Variants in ANKRD42 observed in about 807,000 individuals in gnomAD.
ANKRD42 encodes the protein ankyrin repeat domain-containing protein 42.
Under a neutral mutation model 51.5 loss-of-function variants are expected in ANKRD42, and 43 were observed. The observed-to-expected ratio is 0.83, with a 90% CI of 0.65 to 1.08. The LOEUF (loss-of-function observed/expected upper bound fraction) is 1.08. Ranked by LOEUF, ANKRD42 falls within the 50% of genes least tolerant of loss-of-function variation. ANKRD42 has a pLI of 0.00. For synonymous variants in ANKRD42, 203 were observed against 213.0 expected, an observed-to-expected ratio of 0.95 and a Z score of 0.41; for missense variants, 608 against 629.3, an observed-to-expected ratio of 0.97 and a Z score of 0.36.
chr11:83,242,761 C>T (rs761656927), intron 9 of ANKRD42, among the ~76,000 whole-genome samples: 1 of 151,810 alleles, frequency 6.6e-6, no homozygotes, highest in African/African-American at 2.4e-5. Flanking sequence ...AGATGGGTTT[C>T]ACCATGTTGA....
chr11:83,198,873 T>G (rs563120999), intron 2 of ANKRD42, among the ~76,000 whole-genome samples: 7 of 152,296 alleles, frequency 4.6e-5, no homozygotes, highest in African/African-American at 1.7e-4. Context: ...ACCCAAGAAT[T>G]TGGATCCCGG....
intron 8 of ANKRD42, 117 bp from the exon 9 acceptor site, chr11:83,240,642 C>A: frequency 1.8e-6 from 2 of 1,138,122 alleles, no homozygotes; most frequent in Non-Finnish European, 2.5e-6. Context: ...GGCTCCTTGG[C>A]TGGTGAGTGG....
chr11:83,261,842 G>A, downstream of ANKRD42: 2 of 1,164,992 alleles, frequency 1.7e-6, no homozygotes, highest in South Asian at 1.4e-5. Context: ...AACTGACAAT[G>A]TTCAAAGTAA....
At chr11:83,257,316 A>T (rs148105148), downstream of ANKRD42, 6 of 455,916 alleles carry the variant, frequency 1.3e-5, no homozygotes, top group East Asian at 3.5e-4. Flanking sequence ...CTTCAGGGGG[A>T]GACAGGAGCC....
intron 9 of ANKRD42, among the ~76,000 whole-genome samples, chr11:83,243,967 C>CGTTTTTT (rs1863466375): frequency 1.5e-5 from 1 of 66,950 alleles, no homozygotes; most frequent in African/African-American, 6.6e-5. Flanking sequence ...CCTGGCTGCC[C>CGTTTTTT]TTTTTTTTTT....
chr11:83,200,611 C>T lies in ANKRD42; in HGVS notation c.222+1969C>T, dbSNP rs534987866. Among the ~76,000 whole-genome samples, 4 of 152,320 alleles carry T rather than the reference C, an allele frequency of 2.6e-5. No homozygotes were observed. In the South Asian group the frequency reaches 8.3e-4, roughly 32 times the overall value. On this transcript the variant is annotated intron_variant, in intron 2 of 10. Coordinates refer to ENST00000533342, the MANE Select transcript of ANKRD42 (RefSeq NM_001300975.2). ...ACACATTGATGCAGTGAGAACTAGT[C>T]ACTAGGTCAGTTGATTCTGCTCCAT...
chr11:83,228,218 TCC>T (rs1284524686), intron 7 of ANKRD42, among the ~76,000 whole-genome samples: 2 of 110,578 alleles, frequency 1.8e-5, no homozygotes, highest in Non-Finnish European at 3.8e-5. Context: ...ATAGAAATCA[TCC>T]CTCTCTCTCT....
intron 1 of ANKRD42, among the ~76,000 whole-genome samples, chr11:83,195,142 G>T (rs573127102): frequency 6.6e-6 from 1 of 152,238 alleles, no homozygotes; most frequent in East Asian, 1.9e-4. Flanking sequence ...CTTAAATGCA[G>T]CTTTTACCCC....
At chr11:83,208,084 C>G (rs972692703) in intron 3 of ANKRD42, among the ~76,000 whole-genome samples, 1 of 152,012 alleles carries the variant, frequency 6.6e-6, no homozygotes, top group African/African-American at 2.4e-5. Flanking sequence ...AGTGCAGTGC[C>G]CTGGTCATGA....
intron 1 of ANKRD42, among the ~76,000 whole-genome samples, chr11:83,194,961 C>G (rs1282574640): frequency 2.0e-5 from 3 of 152,188 alleles, no homozygotes; most frequent in African/African-American, 7.2e-5. Context: ...TCTTGCCCAG[C>G]TTGACATCAA....
chr11:83,200,082 T>A (rs1453887880), intron 2 of ANKRD42, among the ~76,000 whole-genome samples: 1 of 152,064 alleles, frequency 6.6e-6, no homozygotes, highest in African/African-American at 2.4e-5. Flanking sequence ...TCTGGGTTTT[T>A]TTGCTCTTTG....
chr11:83,222,091 A>T (rs374785121), intron 5 of ANKRD42, among the ~76,000 whole-genome samples: 1 of 152,124 alleles, frequency 6.6e-6, no homozygotes, highest in African/African-American at 2.4e-5. Context: ...TGGAAGTCCA[A>T]TTCTCTTACT....
At position 83,245,572 on chromosome 11, in the gene ANKRD42, G is replaced by A; in HGVS notation, c.1270G>A (p.Gly424Ser). 3.9e-6 allele frequency: 6 copies of A among 1,536,676 alleles called. No individual in the cohort carries two copies. The highest frequency in any genetic ancestry group is 5.2e-6 in the Non-Finnish European group (6 of 1,146,994). Reference protein sequence around the residue: ...IAESNYKHLGGITEEDLKQKK... With the variant: ...IAESNYKHLGSITEEDLKQKK... Reference sequence around the variant, plus strand: ...CGAGAGCAACTATAAACACTTGGGAGGCATAACAGAAGAAGATTTAAAGCA... The same window carrying A: ...CGAGAGCAACTATAAACACTTGGGAAGCATAACAGAAGAAGATTTAAAGCA... The change falls in exon 10 of 11, where the codon GGC (glycine) becomes AGC (serine). Residue 424 changes from glycine (G) to serine (S), a missense_variant. Gly to Ser is a moderately conservative substitution (Grantham distance 56). Transcript: ENST00000533342.
At chr11:83,243,918 C>T (rs1225614787) in intron 9 of ANKRD42, among the ~76,000 whole-genome samples, 1 of 150,078 alleles carries the variant, frequency 6.7e-6, no homozygotes, top group Non-Finnish European at 1.5e-5. Flanking sequence ...CCTGCCTCGG[C>T]CTCGCAAAGT....
chr11:83,213,112 G>C, intron 5 of ANKRD42: 2 of 1,601,618 alleles, frequency 1.2e-6, no homozygotes, highest in Non-Finnish European at 1.7e-6. Flanking sequence ...GTAACTGGCA[G>C]AAACCCAGAG....
downstream of ANKRD42, among the ~76,000 whole-genome samples, chr11:83,263,569 A>G (rs1295943156): frequency 6.6e-6 from 1 of 152,230 alleles, no homozygotes; most frequent in African/African-American, 2.4e-5. Context: ...CTGCCACATT[A>G]TCTACATAGA....
rs1461407676 is a variant in ANKRD42 at position 83,240,792 on chromosome 11, G to A, written c.1053G>A (p.Glu351=). 5.0e-6 allele frequency: 8 copies of A among 1,613,916 alleles called. No individual in the cohort carries two copies. The highest frequency in any genetic ancestry group is 5.9e-6 in the Non-Finnish European group (7 of 1,179,986). ...ATTTGGCAGCAGTGAAGCTGTTAGA[G>A]GAGCTACAGAAATATGATATAGATG... ...FAHLAAVKLL[E]ELQKYDIDDE... The change falls in exon 9 of 11, where the codon GAG becomes GAA. Residue 351 remains glutamate (E), a synonymous_variant. Coordinates refer to ENST00000533342, the MANE Select transcript of ANKRD42 (RefSeq NM_001300975.2).
chr11:83,249,431 C>T (rs992256338), downstream of ANKRD42, among the ~76,000 whole-genome samples: 6 of 152,118 alleles, frequency 3.9e-5, no homozygotes, highest in African/African-American at 1.4e-4. Context: ...TGCTTTGTTG[C>T]CAAGGCTAAG....
At chr11:83,202,253 C>T (rs1861901424) in intron 2 of ANKRD42, among the ~76,000 whole-genome samples, 1 of 152,142 alleles carries the variant, frequency 6.6e-6, no homozygotes, top group Admixed American at 6.5e-5. Context: ...ACAGGAAATC[C>T]TTCCCCTGTT....
Sources: gnomAD v4.1 joint callset for allele counts (sites outside exome capture counted in the v4.1 genomes callset) on GRCh38, gnomAD v4.1.1 for gene constraint, MANE v1.5 for transcripts, NCBI Gene and HGNC (gene_info 2026-07-23, HGNC 2026-07-21) for gene names.